GRIA3: variants seen among roughly 807,000 people sequenced by gnomAD.
GRIA3 encodes the protein glutamate receptor 3.
In GRIA3, 3 loss-of-function variants were observed where a neutral mutation model predicts 63.0. The observed-to-expected ratio is 0.05, with a 90% CI of 0.02 to 0.12. The LOEUF (loss-of-function observed/expected upper bound fraction) is 0.12. GRIA3 is among the 10% of genes least tolerant of loss of function. The pLI is 1.00. For missense variants in GRIA3, 347 were observed against 700.9 expected (o/e 0.50, Z 5.70); for synonymous variants, 274 against 257.9 (o/e 1.06, Z -0.60).
At chrX:123,254,929 A>G (rs1280354084) in intron 3 of GRIA3, among the ~76,000 whole-genome samples, 2 of 111,553 alleles carry the variant, frequency 1.8e-5, no homozygotes, top group African/African-American at 6.5e-5. Context: ...GACACTTTGT[A>G]TCTTGCTACT....
intron 12 of GRIA3, among the ~76,000 whole-genome samples, chrX:123,430,521 T>C (rs1050448626): frequency 9.0e-6 from 1 of 111,386 alleles, no homozygotes; most frequent in Non-Finnish European, 1.9e-5. Flanking sequence ...ATTCGTGCAA[T>C]ACAGGGTTGT....
intron 12 of GRIA3, among the ~76,000 whole-genome samples, chrX:123,442,984 G>A (rs779552811): frequency 9.1e-6 from 1 of 110,386 alleles, no homozygotes; most frequent in Non-Finnish European, 1.9e-5. Context: ...CTGAGGTCAA[G>A]CCACCCGCTC....
intron 13 of GRIA3, among the ~76,000 whole-genome samples, chrX:123,478,841 T>C: frequency 8.9e-6 from 1 of 112,988 alleles, no homozygotes; most frequent in Non-Finnish European, 1.9e-5. Context: ...CTCCCATGAA[T>C]GTGAACAGAC....
chrX:123,330,382 C>T (rs2044933241), intron 4 of GRIA3, among the ~76,000 whole-genome samples: 1 of 112,038 alleles, frequency 8.9e-6, no homozygotes, highest in Non-Finnish European at 1.9e-5. Flanking sequence ...ATTCCTCATA[C>T]AGTTCTCTTG....
At chrX:123,309,061 T>TA (rs2044772641) in intron 3 of GRIA3, among the ~76,000 whole-genome samples, 1 of 111,987 alleles carries the variant, frequency 8.9e-6, no homozygotes, top group Admixed American at 9.5e-5. Flanking sequence ...CTCTGAGGCA[T>TA]AAGGCGTATA....
chrX:123,360,787 A>G (rs904170873), intron 5 of GRIA3, among the ~76,000 whole-genome samples: 1 of 101,587 alleles, frequency 9.8e-6, no homozygotes, highest in African/African-American at 3.7e-5. Context: ...AACAGGCATC[A>G]ATTACATCCC....
intron 10 of GRIA3, among the ~76,000 whole-genome samples, chrX:123,414,652 A>G (rs1201900845): frequency 1.0e-5 from 1 of 98,484 alleles, no homozygotes; most frequent in Non-Finnish European, 2.0e-5. Flanking sequence ...ACTCCCACCT[A>G]TGAGTGAGAA....
At chrX:123,291,258 ATATG>A (rs901557478) in intron 3 of GRIA3, among the ~76,000 whole-genome samples, 1 of 111,471 alleles carries the variant, frequency 9.0e-6, no homozygotes, top group Non-Finnish European at 1.9e-5. Context: ...TAGTAGGTAG[ATATG>A]TATCTATTAA....
intron 3 of GRIA3, among the ~76,000 whole-genome samples, chrX:123,314,004 A>G (rs2044815051): frequency 9.9e-6 from 1 of 101,140 alleles, no homozygotes; most frequent in African/African-American, 3.6e-5. Context: ...TCCAACCCAT[A>G]AGTGAAGCCC....
chrX:123,482,627 G>A (rs762760185), intron 14 of GRIA3, 172 bp from the exon 15 acceptor site: 14 of 529,608 alleles, frequency 2.6e-5, no homozygotes, highest in African/African-American at 1.4e-4. Flanking sequence ...ACAATCTACC[G>A]TCTTGCTGGT....
At chrX:123,442,876 TG>T (rs1270837774) in intron 12 of GRIA3, among the ~76,000 whole-genome samples, 6 of 108,098 alleles carry the variant, frequency 5.6e-5, no homozygotes, top group Admixed American at 1.0e-4. Flanking sequence ...GCGGGGAGGC[TG>T]GAAGTTGGGC....
chrX:123,447,575 C>T (rs1024244180), intron 12 of GRIA3, among the ~76,000 whole-genome samples: 3 of 112,038 alleles, frequency 2.7e-5, no homozygotes, highest in African/African-American at 9.7e-5. Context: ...TAGTTTTCTA[C>T]TTGATTCTTG....
chrX:123,264,922 AACTCTGCCACTAAGTAGCTGTGT>A (rs1426718027), intron 3 of GRIA3, among the ~76,000 whole-genome samples: 1 of 111,614 alleles, frequency 9.0e-6, no homozygotes, highest in Non-Finnish European at 1.9e-5. Context: ...CCAGGCCCCC[AACTCTGCCACTAAGTAGCTGTGT>A]AATCCTGGGC....
intron 2 of GRIA3, among the ~76,000 whole-genome samples, chrX:123,244,105 G>GTATC (rs1307695621): frequency 8.9e-6 from 1 of 112,799 alleles, no homozygotes; most frequent in Admixed American, 9.4e-5. Flanking sequence ...TACATGCCAT[G>GTATC]TAATTGCAAA....
intron 2 of GRIA3, among the ~76,000 whole-genome samples, chrX:123,203,059 G>A (rs909512583): frequency 8.9e-6 from 1 of 111,955 alleles, no homozygotes. Flanking sequence ...TAAAGGAAAC[G>A]AGGCTGTTTG....
At chrX:123,415,628 T>G (rs2045532598) in intron 10 of GRIA3, among the ~76,000 whole-genome samples, 1 of 111,397 alleles carries the variant, frequency 9.0e-6, no homozygotes, top group Non-Finnish European at 1.9e-5. Flanking sequence ...GAGAATCTAC[T>G]TTTGGGGGGA....
chrX:123,417,885 A>G (rs1260743341), intron 11 of GRIA3, 107 bp downstream of exon 11: 1 of 694,002 alleles, frequency 1.4e-6, no homozygotes, highest in Non-Finnish European at 2.3e-6. Flanking sequence ...TTCATTTAAC[A>G]TTCCATCAAA....
At position 123,417,425 on chromosome X, in the gene GRIA3, A is replaced by G. The variant is rs146701882; in HGVS notation, c.1524A>G (p.Pro508=). Residue 508 remains proline (P), a synonymous_variant, in exon 11 of 16, where the codon CCA becomes CCG. Transcript: ENST00000620443. ...VYGRADIAVA[P]LTITLVREEV... The stretch of plus-strand genomic sequence containing the variant: ...AGAGAGCTGATATAGCTGTTGCTCC[A>G]CTCACTATAACATTGGTCCGTGAAG... 1 of 1,198,556 alleles carries G rather than the reference A, an allele frequency of 8.3e-7. No homozygotes were observed. Among genetic ancestry groups the G allele is most frequent in the Non-Finnish European group, 1.1e-6 (1 of 885,733 alleles).
chrX:123,322,131 A>G (rs1193799812), intron 3 of GRIA3, among the ~76,000 whole-genome samples: 1 of 111,662 alleles, frequency 9.0e-6, no homozygotes, highest in Non-Finnish European at 1.9e-5. Context: ...CAAGATTATC[A>G]CACCTTATTT....
Sources: allele counts gnomAD v4.1 joint callset (sites outside exome capture counted in the v4.1 genomes callset), GRCh38; gene constraint gnomAD v4.1.1; transcripts MANE v1.5; gene names NCBI Gene and HGNC (gene_info 2026-07-23, HGNC 2026-07-21).